Variants in GUCY1A1 observed in about 807,000 individuals in gnomAD.
The protein encoded by GUCY1A1 is guanylate cyclase 1 soluble subunit alpha 1, also known as guanylate cyclase soluble subunit alpha-1.
In GUCY1A1, 48 loss-of-function variants were observed where a neutral mutation model predicts 64.5. That is an observed-to-expected ratio of 0.74 (90% CI 0.59 to 0.95). The LOEUF is 0.95. Among genes scored for constraint, GUCY1A1 ranks in the 40% least tolerant of loss-of-function variants. GUCY1A1 has a pLI of 0.00. For missense variants in GUCY1A1, 804 were observed against 825.3 expected (o/e 0.97, Z 0.32); for synonymous variants, 308 against 303.4 (o/e 1.02, Z -0.16).
chr4:155,691,397 A>G (rs1024455710), intron 2 of GUCY1A1, among the ~76,000 whole-genome samples: 3 of 152,234 alleles, frequency 2.0e-5, no homozygotes, highest in Admixed American at 2.0e-4. Flanking sequence ...CAAAGTGAAA[A>G]GAAACCTATT....
At chr4:155,723,985 A>G (rs1168117270) in intron 9 of GUCY1A1, among the ~76,000 whole-genome samples, 1 of 151,994 alleles carries the variant, frequency 6.6e-6, no homozygotes, top group African/African-American at 2.4e-5. Flanking sequence ...AGGCACCAGC[A>G]TCCTTTCCTT....
At chr4:155,667,443 G>C (rs1009020360) in intron 2 of GUCY1A1, 24 bp downstream of exon 2, 2 of 152,272 alleles carry the variant, frequency 1.3e-5, no homozygotes, top group Admixed American at 1.3e-4. Flanking sequence ...GCATCCCCAC[G>C]CGGGTCGGGG....
chr4:155,685,418 A>C (rs1296424274), intron 2 of GUCY1A1, among the ~76,000 whole-genome samples: 1 of 152,104 alleles, frequency 6.6e-6, no homozygotes, highest in Non-Finnish European at 1.5e-5. Context: ...GTTGTGCTCC[A>C]ATAAAAGTTT....
In GUCY1A1 at chr4:155,683,382, A is replaced by G. The variant is rs1307785496; in HGVS notation, c.-112-13374A>G. On this transcript the variant is annotated intron_variant, in intron 2 of 9. Transcript: ENST00000506455. ...AAAAAAATTGAATAAATTTAATAAT[A>G]ACAATTTAGTTAGCCTATCTATGTC... Among the ~76,000 whole-genome samples, 3 of 152,350 alleles carry G rather than the reference A, an allele frequency of 2.0e-5. No homozygotes were observed. In the East Asian group the frequency reaches 5.8e-4, roughly 29 times the overall value.
intron 9 of GUCY1A1, among the ~76,000 whole-genome samples, chr4:155,723,218 T>C (rs966536530): frequency 6.6e-6 from 1 of 152,128 alleles, no homozygotes; most frequent in Non-Finnish European, 1.5e-5. Context: ...AAATTCCCTA[T>C]CATACAGGGA....
At chr4:155,675,459 C>T (rs1734776707) in intron 2 of GUCY1A1, among the ~76,000 whole-genome samples, 1 of 151,534 alleles carries the variant, frequency 6.6e-6, no homozygotes, top group African/African-American at 2.4e-5. Context: ...TAGCACTATA[C>T]ATTTGTAAAT....
At chr4:155,669,142 A>G (rs188337391) in intron 2 of GUCY1A1, among the ~76,000 whole-genome samples, 5 of 152,290 alleles carry the variant, frequency 3.3e-5, no homozygotes, top group African/African-American at 9.6e-5. Flanking sequence ...AATATTTCAC[A>G]TAAAATAGAC....
chr4:155,729,477 A>G (rs1237299397), intron 9 of GUCY1A1, among the ~76,000 whole-genome samples: 1 of 151,880 alleles, frequency 6.6e-6, no homozygotes, highest in African/African-American at 2.4e-5. Context: ...GATATGTACA[A>G]TTAAATCTCA....
At chr4:155,685,898 G>T (rs1181016953) in intron 2 of GUCY1A1, among the ~76,000 whole-genome samples, 1 of 151,890 alleles carries the variant, frequency 6.6e-6, no homozygotes, top group African/African-American at 2.4e-5. Flanking sequence ...CCTACCATTC[G>T]GTGAGTTCTG....
intron 3 of GUCY1A1, among the ~76,000 whole-genome samples, chr4:155,703,333 C>A (rs1293309176): frequency 6.6e-6 from 1 of 151,956 alleles, no homozygotes; most frequent in African/African-American, 2.4e-5. Flanking sequence ...AATAAATGAT[C>A]AACTAACTTT....
intron 7 of GUCY1A1, among the ~76,000 whole-genome samples, chr4:155,714,383 C>T (rs1209963565): frequency 6.6e-6 from 1 of 152,198 alleles, no homozygotes; most frequent in East Asian, 1.9e-4. Flanking sequence ...ACAGGATGAG[C>T]CAGGCATCAT....
chr4:155,726,953 A>T (rs955874950), intron 9 of GUCY1A1, among the ~76,000 whole-genome samples: 1 of 151,910 alleles, frequency 6.6e-6, no homozygotes, highest in African/African-American at 2.4e-5. Context: ...AGTGGGGAGG[A>T]TACATGGATG....
chr4:155,683,908 C>T (rs1736175645), intron 2 of GUCY1A1, among the ~76,000 whole-genome samples: 1 of 152,148 alleles, frequency 6.6e-6, no homozygotes. Context: ...GGCTTCTCAG[C>T]ATTTTCAGTA....
chr4:155,697,143 T>G (rs1395195188), intron 3 of GUCY1A1, 21 bp downstream of exon 3: 2 of 1,584,898 alleles, frequency 1.3e-6, no homozygotes, highest in African/African-American at 2.7e-5. Flanking sequence ...GCTCTTTAGA[T>G]TTTGAAATTG....
intron 2 of GUCY1A1, among the ~76,000 whole-genome samples, chr4:155,686,692 G>A (rs1729041559): frequency 6.6e-6 from 1 of 152,164 alleles, no homozygotes; most frequent in Admixed American, 6.5e-5. Flanking sequence ...GGAATAATAT[G>A]AATTAATAAA....
intron 5 of GUCY1A1, 26 bp from the exon 6 acceptor site, chr4:155,710,516 G>GC: frequency 7.6e-7 from 1 of 1,313,258 alleles, no homozygotes. Context: ...ATTTGATATG[G>GC]CAGAACATGT....
At position 155,713,595 on chromosome 4, in the gene GUCY1A1, C is replaced by G. The variant is rs770590982; in HGVS notation, c.1572+12C>G. 5.6e-6 allele frequency: 9 copies of G among 1,604,820 alleles called. No individual in the cohort carries two copies. The highest frequency in any genetic ancestry group is 1.7e-4 in the Middle Eastern group (1 of 6,052). ...TGGATGTCTACAAGGTAGGAGTGGA[C>G]CAGGGAAATAATTGTTTTACCAGCA... On this transcript the variant is annotated intron_variant, in intron 7 of 9. Transcript: ENST00000506455.
rs1735563287 is a variant in GUCY1A1, at chr4:155,731,656, GA to G, written c.*1430del. 1 of 151,776 alleles carries G rather than the reference GA, an allele frequency of 6.6e-6. No individual in the cohort carries two copies. Among genetic ancestry groups the G allele is most frequent in the Non-Finnish European group, 1.5e-5 (1 of 67,822 alleles). The allele number at this position is 151,776 out of a possible 1,614,324, so 9.4% of individuals were successfully genotyped here. A position where few individuals can be genotyped will look rare whatever the true frequency, so the allele number is the denominator to read the frequency against. ...TAAAAACAGCTTGAATTTAAAGCAA[GA>G]AAAAGATGAACGTTATAGTTTTAAA... On this transcript the variant is annotated 3_prime_UTR_variant, in exon 10 of 10. Transcript: ENST00000506455.
At chr4:155,686,983 A>G (rs1336392462) in intron 2 of GUCY1A1, among the ~76,000 whole-genome samples, 1 of 152,198 alleles carries the variant, frequency 6.6e-6, no homozygotes, top group Non-Finnish European at 1.5e-5. Context: ...TATATTCTCT[A>G]ATGCTCATCA....
Sources: allele counts gnomAD v4.1 joint callset (sites outside exome capture counted in the v4.1 genomes callset), GRCh38; gene constraint gnomAD v4.1.1; transcripts MANE v1.5; gene names NCBI Gene and HGNC (gene_info 2026-07-23, HGNC 2026-07-21).